CNTNAP5: variants seen among roughly 807,000 people sequenced by gnomAD.
CNTNAP5 encodes contactin associated protein family member 5.
Under a neutral mutation model 150.2 loss-of-function variants are expected in CNTNAP5, and 72 were observed. The observed-to-expected ratio is 0.48, with a 90% confidence interval of 0.40 to 0.58. CNTNAP5 has a LOEUF of 0.58. Among genes scored for constraint, CNTNAP5 ranks in the 20% least tolerant of loss-of-function variants. The probability of loss-of-function intolerance (pLI) is 0.00; values close to 1 mark genes in which losing one functional copy is unlikely to be tolerated. For missense variants in CNTNAP5, 1,636 were observed against 1,626.2 expected (o/e 1.01, Z -0.10); for synonymous variants, 672 against 619.8 (o/e 1.08, Z -1.25).
rs1033514405 is a variant in CNTNAP5, at chr2:124,738,709, A to G, written c.2078-8520A>G. ...TTATGCCACTGTACTCTAGCCTGGGAGACAGAGTGAGACTCCATCAAAAAA... is the reference window on the plus strand; with the variant it reads ...TTATGCCACTGTACTCTAGCCTGGGGGACAGAGTGAGACTCCATCAAAAAA... On this transcript the variant is annotated intron_variant, in intron 13 of 23. Coordinates refer to ENST00000682447, the MANE Select transcript of CNTNAP5 (RefSeq NM_001367498.1). Among the ~76,000 whole-genome samples, 5 of 150,896 alleles carry G rather than the reference A, an allele frequency of 3.3e-5. No individual in the cohort carries two copies. In the South Asian group the frequency reaches 1.0e-3, roughly 32 times the overall value.
chr2:124,191,686 C>A (rs931463846), intron 1 of CNTNAP5, among the ~76,000 whole-genome samples: 1 of 152,016 alleles, frequency 6.6e-6, no homozygotes, highest in Non-Finnish European at 1.5e-5. Flanking sequence ...GAGGCCCAGG[C>A]AGGTGGATCA....
At chr2:124,329,169 G>A (rs1689289391) in intron 3 of CNTNAP5, among the ~76,000 whole-genome samples, 1 of 152,134 alleles carries the variant, frequency 6.6e-6, no homozygotes, top group Admixed American at 6.5e-5. Flanking sequence ...TCTGAGCTCT[G>A]GAGGAAGTGG....
chr2:124,699,713 C>T (rs1679479250), intron 13 of CNTNAP5, among the ~76,000 whole-genome samples: 1 of 152,158 alleles, frequency 6.6e-6, no homozygotes, highest in South Asian at 2.1e-4. Flanking sequence ...GGCATTTGGT[C>T]ATGCCTAGAA....
chr2:124,573,892 G>C (rs1696219482), intron 11 of CNTNAP5, among the ~76,000 whole-genome samples: 1 of 152,028 alleles, frequency 6.6e-6, no homozygotes, highest in Non-Finnish European at 1.5e-5. Context: ...ATTGTTATGT[G>C]GATTAAAGGC....
chr2:124,635,175 G>C (rs1472116256), intron 12 of CNTNAP5, among the ~76,000 whole-genome samples: 1 of 152,126 alleles, frequency 6.6e-6, no homozygotes, highest in East Asian at 1.9e-4. Context: ...GAGGCCTCGG[G>C]AAACTTTCAA....
intron 13 of CNTNAP5, among the ~76,000 whole-genome samples, chr2:124,732,700 A>T (rs1680297243): frequency 6.6e-6 from 1 of 152,116 alleles, no homozygotes; most frequent in Non-Finnish European, 1.5e-5. Context: ...TACCAAATTT[A>T]TTTTTCATAA....
In CNTNAP5 at chr2:124,324,277, G is replaced by A. The variant is rs553689012; in HGVS notation, c.381+81884G>A. Among the ~76,000 whole-genome samples, 10 of 152,232 alleles carry A rather than the reference G, an allele frequency of 6.6e-5. No homozygotes were observed. The East Asian group carries it at 1.9e-3, about 29-fold the overall frequency. ...TGAACCAACTTTCTAGGCAGCCTGGGAGTCCAGGACACAGACACAGAAGGA... is the reference window on the plus strand; with the variant it reads ...TGAACCAACTTTCTAGGCAGCCTGGAAGTCCAGGACACAGACACAGAAGGA... On this transcript the variant is annotated intron_variant, in intron 3 of 23. Coordinates refer to ENST00000682447, the MANE Select transcript of CNTNAP5 (RefSeq NM_001367498.1).
chr2:124,419,063 A>G (rs895216382), intron 4 of CNTNAP5, among the ~76,000 whole-genome samples: 2 of 138,556 alleles, frequency 1.4e-5, no homozygotes, highest in Non-Finnish European at 3.1e-5. Flanking sequence ...GAACCCGGGA[A>G]GCGGAGCTTG....
intron 10 of CNTNAP5, among the ~76,000 whole-genome samples, chr2:124,537,353 T>A (rs1156877388): frequency 6.6e-6 from 1 of 152,072 alleles, no homozygotes; most frequent in Non-Finnish European, 1.5e-5. Flanking sequence ...ACAAAGGTGG[T>A]TGTATTAAAG....
chr2:124,542,183 G>T lies in CNTNAP5; in HGVS notation c.1649+14727G>T, dbSNP rs565813097. On this transcript the variant is annotated intron_variant, in intron 10 of 23. Transcript: ENST00000682447. Reference sequence around the variant, plus strand: ...TAAACACACGAATCCAAGTCCTCCTGCTTGACTTTTGCAGTCTTCTGGCCT... The same window carrying T: ...TAAACACACGAATCCAAGTCCTCCTTCTTGACTTTTGCAGTCTTCTGGCCT... Among the ~76,000 whole-genome samples, 3 of 151,126 alleles carry T rather than the reference G, an allele frequency of 2.0e-5. 1 individual carries two copies. The highest frequency in any genetic ancestry group is 2.1e-4 in the South Asian group (1 of 4,710).
At chr2:124,706,788 GAAGA>G (rs1558742961) in intron 13 of CNTNAP5, among the ~76,000 whole-genome samples, 390 of 35,358 alleles carry the variant, frequency 0.011, 1 homozygote, top group Non-Finnish European at 0.017. Context: ...AGAAGAAGAA[GAAGA>G]AGAAGGAGGA....
intron 3 of CNTNAP5, among the ~76,000 whole-genome samples, chr2:124,348,378 G>A (rs1433212800): frequency 6.6e-6 from 1 of 152,008 alleles, no homozygotes; most frequent in Non-Finnish European, 1.5e-5. Context: ...AGTGACAACC[G>A]AGGGCATCCT....
chr2:124,902,133 T>C (rs1002524193), intron 21 of CNTNAP5, among the ~76,000 whole-genome samples: 19 of 152,262 alleles, frequency 1.2e-4, no homozygotes, highest in Admixed American at 8.5e-4. Context: ...AATTGACTCT[T>C]TTAAGAAAAA....
At chr2:124,886,316 T>C (rs540950093) in intron 21 of CNTNAP5, among the ~76,000 whole-genome samples, 4 of 152,118 alleles carry the variant, frequency 2.6e-5, no homozygotes, top group African/African-American at 9.6e-5. Context: ...TTGGGGCAAG[T>C]GGTGGAATTG....
intron 11 of CNTNAP5, among the ~76,000 whole-genome samples, chr2:124,568,507 G>GA (rs1696081959): frequency 6.6e-6 from 1 of 152,180 alleles, no homozygotes; most frequent in African/African-American, 2.4e-5. Flanking sequence ...AGAGAATACT[G>GA]AAGCACACTT....
chr2:124,865,353 T>C lies in CNTNAP5; in HGVS notation c.3265T>C (p.Phe1089Leu). 1 of 1,564,460 alleles carries C rather than the reference T, an allele frequency of 6.4e-7. No individual in the cohort carries two copies. The highest frequency in any genetic ancestry group is 8.7e-7 in the Non-Finnish European group (1 of 1,152,828). The part of the protein sequence containing the change: ...YHLNKEETHV[F>L]TIDADNFANR... ...CCTAAACAAGGAAGAAACCCATGTA[T>C]TCACCATTGATGCAGATAACTTTGC... The change falls in exon 20 of 24, where the codon TTC becomes CTC. Residue 1089 changes from phenylalanine (F) to leucine (L), a missense_variant. Phe to Leu is a conservative substitution (Grantham distance 22). Transcript: ENST00000682447.
chr2:124,748,799 A>G (rs1350703095), intron 14 of CNTNAP5, among the ~76,000 whole-genome samples: 1 of 152,184 alleles, frequency 6.6e-6, no homozygotes, highest in Non-Finnish European at 1.5e-5. Context: ...AGGTTACCCG[A>G]GTGCCTTCTC....
At chr2:124,614,678 T>A (rs1677457179) in intron 12 of CNTNAP5, among the ~76,000 whole-genome samples, 1 of 152,088 alleles carries the variant, frequency 6.6e-6, no homozygotes, top group Admixed American at 6.6e-5. Flanking sequence ...TAATGAGCAG[T>A]GAGGATGACC....
chr2:124,544,609 T>C (rs1695469614), intron 10 of CNTNAP5, among the ~76,000 whole-genome samples: 1 of 122,622 alleles, frequency 8.2e-6, no homozygotes, highest in Non-Finnish European at 1.7e-5. Flanking sequence ...TTCTCTATGC[T>C]GTCTTAACAT....
Sources: allele counts gnomAD v4.1 joint callset (sites outside exome capture counted in the v4.1 genomes callset), GRCh38; gene constraint gnomAD v4.1.1; transcripts MANE v1.5; gene names NCBI Gene and HGNC (gene_info 2026-07-23, HGNC 2026-07-21).